CELF4: variants seen among roughly 807,000 people sequenced by gnomAD.
CELF4 encodes the protein CUG-BP- and ETR-3-like factor 4.
A neutral mutation model predicts 59.9 loss-of-function variants in CELF4; 18 were observed. The observed-to-expected ratio is 0.30, with a 90% CI of 0.21 to 0.45. CELF4 has a LOEUF of 0.45. Ranked by LOEUF, CELF4 falls within the 20% of genes least tolerant of loss-of-function variation. The probability of loss-of-function intolerance (pLI) is 1.00; values close to 1 mark genes in which losing one functional copy is unlikely to be tolerated. For synonymous variants in CELF4, 261 were observed against 267.1 expected (o/e 0.98, Z 0.22); for missense variants, 456 against 689.0 (o/e 0.66, Z 3.79).
intron 3 of CELF4, among the ~76,000 whole-genome samples, chr18:37,280,763 G>A (rs933894714): frequency 4.6e-5 from 7 of 152,232 alleles, no homozygotes; most frequent in African/African-American, 1.7e-4. Context: ...AGAAGGGGAC[G>A]CTGAGGAAGC....
chr18:37,332,009 GC>G (rs2154533006), intron 2 of CELF4, among the ~76,000 whole-genome samples: 1 of 152,288 alleles, frequency 6.6e-6, no homozygotes, highest in African/African-American at 2.4e-5. Context: ...CAAGGAGGCA[GC>G]TGCACGTGCA....
chr18:37,361,986 G>A (rs544662053), intron 2 of CELF4, among the ~76,000 whole-genome samples: 3 of 152,134 alleles, frequency 2.0e-5, no homozygotes, highest in African/African-American at 7.2e-5. Context: ...CTGCTGGAGT[G>A]GGAAGCGGAC....
At chr18:37,252,869 G>A (rs1471880146) in intron 12 of CELF4, among the ~76,000 whole-genome samples, 1 of 151,844 alleles carries the variant, frequency 6.6e-6, no homozygotes, top group Non-Finnish European at 1.5e-5. Flanking sequence ...GCAGGGAGGG[G>A]CGGTCAGAGG....
At chr18:37,452,599 T>A (rs377153592) in intron 2 of CELF4, among the ~76,000 whole-genome samples, 4 of 152,148 alleles carry the variant, frequency 2.6e-5, no homozygotes, top group East Asian at 3.9e-4. Flanking sequence ...AGAGTCTGTG[T>A]CACGGTGTCT....
At chr18:37,477,676 C>A (rs2099854047) in intron 2 of CELF4, among the ~76,000 whole-genome samples, 1 of 152,054 alleles carries the variant, frequency 6.6e-6, no homozygotes, top group African/African-American at 2.4e-5. Context: ...TTTTGGGGCC[C>A]CTAAAGATAT....
intron 3 of CELF4, among the ~76,000 whole-genome samples, chr18:37,310,626 G>A (rs768956120): frequency 2.6e-5 from 4 of 152,138 alleles, no homozygotes; most frequent in Non-Finnish European, 4.4e-5. Flanking sequence ...GGTTCATGCC[G>A]TCTCATCCCT....
intron 5 of CELF4, 89 bp downstream of exon 5, chr18:37,274,716 G>C (rs746828051): frequency 8.6e-6 from 13 of 1,517,132 alleles, no homozygotes; most frequent in Non-Finnish European, 1.1e-5. Flanking sequence ...CTGTCTCTTG[G>C]GGAGACTGGA....
chr18:37,430,708 T>C (rs1384723852), intron 2 of CELF4, among the ~76,000 whole-genome samples: 4 of 152,220 alleles, frequency 2.6e-5, no homozygotes, highest in Admixed American at 1.3e-4. Flanking sequence ...TAAGTTGCTG[T>C]CAGATGCCTC....
chr18:37,415,534 T>TC (rs1036442121), intron 2 of CELF4, among the ~76,000 whole-genome samples: 1 of 152,130 alleles, frequency 6.6e-6, no homozygotes, highest in South Asian at 2.1e-4. Flanking sequence ...CAGGTTTTTT[T>TC]CCCCCCAATG....
chr18:37,468,576 G>A (rs2099814180), intron 2 of CELF4, among the ~76,000 whole-genome samples: 1 of 152,136 alleles, frequency 6.6e-6, no homozygotes. Flanking sequence ...CTAGCTTCAG[G>A]AGGAAGGATT....
At chr18:37,506,788 A>C (rs1449829413) in intron 1 of CELF4, among the ~76,000 whole-genome samples, 1 of 152,224 alleles carries the variant, frequency 6.6e-6, no homozygotes, top group Non-Finnish European at 1.5e-5. Context: ...GGGGGGAAGC[A>C]TCGCGCCTTG....
At chr18:37,544,200 C>T (rs2099979747) in intron 1 of CELF4, among the ~76,000 whole-genome samples, 1 of 150,504 alleles carries the variant, frequency 6.6e-6, no homozygotes, top group Non-Finnish European at 1.5e-5. Flanking sequence ...TTATCTCAGG[C>T]TCACTATGTT....
chr18:37,518,902 C>T (rs993104842), intron 1 of CELF4, among the ~76,000 whole-genome samples: 1 of 152,214 alleles, frequency 6.6e-6, no homozygotes, highest in African/African-American at 2.4e-5. Flanking sequence ...CATGCACATG[C>T]ATTATGTACA....
At chr18:37,472,174 G>A (rs1306631154) in intron 2 of CELF4, among the ~76,000 whole-genome samples, 1 of 152,216 alleles carries the variant, frequency 6.6e-6, no homozygotes, top group Non-Finnish European at 1.5e-5. Flanking sequence ...CCTCTTGTGG[G>A]GGCATGAAGG....
chr18:37,403,596 G>T lies in CELF4; in HGVS notation c.370-81715C>A, dbSNP rs539524289. ...GTGTGTGCTGGCAGGGGCCCGGGTT[G>T]CTGTGCGGCCTGGCCCAGCTGTGCC... On this transcript the variant is annotated intron_variant, in intron 2 of 12. Transcript: ENST00000420428. Among the ~76,000 whole-genome samples the T allele has an allele frequency of 4.6e-5, 7 of 152,306 alleles. 1 individual carries two copies. The South Asian group carries it at 1.2e-3, about 27-fold the overall frequency.
chr18:37,439,416 CAT>C (rs2099704579), intron 2 of CELF4, among the ~76,000 whole-genome samples: 1 of 152,100 alleles, frequency 6.6e-6, no homozygotes, highest in African/African-American at 2.4e-5. Context: ...TGCATGCATG[CAT>C]GTGTGTGTGT....
At chr18:37,384,926 A>T (rs1008427483) in intron 2 of CELF4, among the ~76,000 whole-genome samples, 1 of 152,148 alleles carries the variant, frequency 6.6e-6, no homozygotes, top group Non-Finnish European at 1.5e-5. Context: ...TAAACTTACT[A>T]ATGAGTACGG....
chr18:37,462,937 C>T (rs1316657543), intron 2 of CELF4, among the ~76,000 whole-genome samples: 1 of 152,058 alleles, frequency 6.6e-6, no homozygotes, highest in Non-Finnish European at 1.5e-5. Flanking sequence ...TTAGATAATG[C>T]AAGGTGTACC....
At chr18:37,321,730 G>T in intron 3 of CELF4, 73 bp downstream of exon 3, 1 of 1,128,438 alleles carries the variant, frequency 8.9e-7, no homozygotes, top group Non-Finnish European at 1.3e-6. Context: ...TCGCTGCATC[G>T]CCTTGCTGCG....
Sources: allele counts gnomAD v4.1 joint callset (sites outside exome capture counted in the v4.1 genomes callset), GRCh38; gene constraint gnomAD v4.1.1; transcripts MANE v1.5; gene names NCBI Gene and HGNC (gene_info 2026-07-23, HGNC 2026-07-21).